MTF1: variants seen among roughly 807,000 people sequenced by gnomAD.
MTF1 encodes MRE-binding transcription factor.
In MTF1, 22 loss-of-function variants were observed where a neutral mutation model predicts 70.4. The ratio of observed to expected loss-of-function variants is 0.31; its 90% CI spans 0.22 to 0.45. The LOEUF (loss-of-function observed/expected upper bound fraction) is 0.45. Ranked by LOEUF, MTF1 falls within the 20% of genes least tolerant of loss-of-function variation. MTF1 has a pLI of 1.00. For synonymous variants in MTF1, 333 were observed against 352.8 expected (o/e 0.94, Z 0.63); for missense variants, 649 against 922.0 (o/e 0.70, Z 3.83).
At chr1:37,850,240 CAAAAAAAAAAAAA>C (rs5773605) in intron 2 of MTF1, among the ~76,000 whole-genome samples, 1 of 66,332 alleles carries the variant, frequency 1.5e-5, no homozygotes, top group Non-Finnish European at 2.8e-5. Context: ...CTGTCTCAAC[CAAAAAAAAAAAAA>C]AAAAAAAAAA....
Position 37,857,337 on chromosome 1 carries a change from T to G in MTF1, c.322A>C (p.Asn108His). The change falls in exon 2 of 11, where the codon AAC (asparagine) becomes CAC (histidine). Residue 108 changes from asparagine (N) to histidine (H), a missense_variant. Physicochemically the swap from Asn to His is moderately conservative, Grantham distance 68 (BLOSUM62 1). Coordinates refer to ENST00000373036, the MANE Select transcript of MTF1 (RefSeq NM_005955.3). ...ISPDQIHLTI[N>H]PGSTPMPRNI... is the part of the protein sequence containing the mutation. ...CTTGGCATGGGTGTGGAACCAGGGT[T>G]TATTGTCAAATGAATCTGATCTGGT... 1 of 1,614,200 alleles carries G rather than the reference T, an allele frequency of 6.2e-7. No homozygotes were observed. The highest frequency in any genetic ancestry group is 8.5e-7 in the Non-Finnish European group (1 of 1,180,030).
At chr1:37,838,567 A>G (rs1483543265) in intron 4 of MTF1, 58 bp downstream of exon 4, 15 of 1,502,188 alleles carry the variant, frequency 1.0e-5, no homozygotes, top group Non-Finnish European at 9.1e-6. Flanking sequence ...ATTCCAGAGT[A>G]TATCAAGACC....
intron 2 of MTF1, among the ~76,000 whole-genome samples, chr1:37,851,406 G>C (rs532871340): frequency 2.2e-4 from 33 of 152,090 alleles, no homozygotes; most frequent in Non-Finnish European, 3.8e-4. Context: ...CTTGCAAATA[G>C]AATAAACCAA....
chr1:37,819,787 A>G (rs557727167), intron 9 of MTF1, among the ~76,000 whole-genome samples: 2 of 152,128 alleles, frequency 1.3e-5, no homozygotes, highest in African/African-American at 4.8e-5. Flanking sequence ...CCCTGTCTCT[A>G]CTAAAAATAC....
chr1:37,815,112 C>T lies in MTF1; in HGVS notation c.*24G>A. On this transcript the variant is annotated 3_prime_UTR_variant, in exon 11 of 11. Transcript: ENST00000373036. The surrounding 1 kb of genome is among the most constrained non-coding windows in gnomAD (Gnocchi z 4.5). ...ATGCCTCCTGCTCACCCGCTTTTCC[C>T]AGAGGTGAGCACACATGGGCCCTTC... The T allele has an allele frequency of 6.2e-7, 1 of 1,606,338 alleles. No individual in the cohort carries two copies. Among genetic ancestry groups the T allele is most frequent in the Non-Finnish European group, 8.5e-7 (1 of 1,174,168 alleles).
intron 10 of MTF1, among the ~76,000 whole-genome samples, chr1:37,816,290 C>T (rs1640817583): frequency 6.6e-6 from 1 of 152,134 alleles, no homozygotes; most frequent in African/African-American, 2.4e-5. Context: ...AATCCCTGTA[C>T]TTTGGGAGAC....
chr1:37,846,392 A>G (rs368548779), intron 2 of MTF1, among the ~76,000 whole-genome samples: 10 of 99,968 alleles, frequency 1.0e-4, no homozygotes, highest in Non-Finnish European at 2.0e-4. Context: ...GACCCCATTT[A>G]AAAAAAAAAA....
chr1:37,825,802 TTTC>T (rs1355121492), intron 7 of MTF1, among the ~76,000 whole-genome samples: 4 of 152,200 alleles, frequency 2.6e-5, no homozygotes, highest in South Asian at 2.1e-4. Context: ...TCCTTGTGAT[TTTC>T]TTAACATTTT....
chr1:37,824,844 G>A (rs377167630), intron 7 of MTF1, among the ~76,000 whole-genome samples: 37 of 152,228 alleles, frequency 2.4e-4, no homozygotes, highest in African/African-American at 8.2e-4. Context: ...GAACAATAGT[G>A]ATACCTTTAT....
intron 2 of MTF1, among the ~76,000 whole-genome samples, chr1:37,842,742 C>A (rs1438255323): frequency 6.6e-6 from 1 of 151,550 alleles, no homozygotes; most frequent in Non-Finnish European, 1.5e-5. Flanking sequence ...TTGTTTGAGA[C>A]AGAGAAACCA....
chr1:37,809,811 T>G lies in MTF1; in HGVS notation c.*5325A>C, dbSNP rs1406998712. ...GTACTGAACCTGTAACGTTTTCACA[T>G]CGCTCAGTGGAAGTCCGTTGTTCCC... On this transcript the variant is annotated 3_prime_UTR_variant, in exon 11 of 11. Transcript: ENST00000373036. The G allele has an allele frequency of 6.6e-6, 1 of 152,670 alleles. No individual in the cohort carries two copies. Among genetic ancestry groups the G allele is most frequent in the Non-Finnish European group, 1.5e-5 (1 of 68,060 alleles). The allele number at this position is 152,670 out of a possible 1,614,324, so 9.5% of individuals were successfully genotyped here.
In MTF1 at chr1:37,815,578, G is replaced by T. The variant is rs780149018; in HGVS notation, c.1832-12C>A. The T allele has an allele frequency of 5.3e-6, 8 of 1,519,802 alleles. No individual in the cohort carries two copies. The Admixed American group carries it at 1.1e-4, about 21-fold the overall frequency. 94.1% of individuals were successfully genotyped at this position (1,519,802 alleles called of 1,614,324 possible). A position where few individuals can be genotyped will look rare whatever the true frequency, so the allele number is the denominator to read the frequency against. On this transcript the variant is annotated splice_polypyrimidine_tract_variant and intron_variant, in intron 10 of 10. Coordinates refer to ENST00000373036, the MANE Select transcript of MTF1 (RefSeq NM_005955.3). The surrounding 1 kb of genome is among the most constrained non-coding windows in gnomAD (Gnocchi z 4.5). ...CTGGACAGAGCTCCCTGCGAGAGAG[G>T]CAAGAGAGACTGCTCTTCAAGTAGC...
At chr1:37,846,504 G>C (rs1290613587) in intron 2 of MTF1, among the ~76,000 whole-genome samples, 1 of 152,110 alleles carries the variant, frequency 6.6e-6, no homozygotes, top group East Asian at 1.9e-4. Flanking sequence ...AGGGAACATG[G>C]AGGGAGCACA....
At chr1:37,848,887 C>T (rs1641372689) in intron 2 of MTF1, among the ~76,000 whole-genome samples, 1 of 152,168 alleles carries the variant, frequency 6.6e-6, no homozygotes, top group South Asian at 2.1e-4. Context: ...GAGTCAACAA[C>T]ATCTTGGTTT....
rs142864227 is a variant in MTF1, at chr1:37,822,428, G to A, written c.1460C>T (p.Pro487Leu). The change falls in exon 9 of 11, where the codon CCG becomes CTG. Residue 487 changes from proline (P) to leucine (L), a missense_variant. By Grantham distance (98) the Pro-to-Leu change is moderately conservative. This residue lies in a region of MTF1 where 267 missense variants were observed against 292.1 expected (regional missense o/e 0.91). Coordinates refer to ENST00000373036, the MANE Select transcript of MTF1 (RefSeq NM_005955.3). ...AATGGGCTGCGGTGCCTGGGGGTGC[G>A]GAAGAAACTCTTGATGATTAGCAGC... Reference protein sequence around the residue: ...QFAANHQEFLPHPQAPQPIVP... With the variant: ...QFAANHQEFLLHPQAPQPIVP... The A allele has an allele frequency of 1.1e-5, 17 of 1,613,968 alleles. No homozygotes were observed. In the African/African-American group the frequency reaches 1.3e-4, roughly 13 times the overall value.
chr1:37,846,847 C>G (rs1641339940), intron 2 of MTF1, among the ~76,000 whole-genome samples: 1 of 152,182 alleles, frequency 6.6e-6, no homozygotes, highest in Non-Finnish European at 1.5e-5. Flanking sequence ...GCAGATTTTA[C>G]ACACATTTAC....
intron 7 of MTF1, among the ~76,000 whole-genome samples, chr1:37,830,091 T>C (rs1315522277): frequency 6.6e-6 from 1 of 152,208 alleles, no homozygotes; most frequent in Non-Finnish European, 1.5e-5. Context: ...ACTCCTAAGC[T>C]ATTTAACACA....
At chr1:37,850,971 A>C (rs1044253546) in intron 2 of MTF1, among the ~76,000 whole-genome samples, 1 of 152,192 alleles carries the variant, frequency 6.6e-6, no homozygotes, top group Non-Finnish European at 1.5e-5. Flanking sequence ...AAAAAACGAA[A>C]GGAAAAGGAG....
chr1:37,824,041 C>T (rs1420685336), intron 7 of MTF1, among the ~76,000 whole-genome samples: 1 of 152,110 alleles, frequency 6.6e-6, no homozygotes, highest in Non-Finnish European at 1.5e-5. Context: ...GACAGAATCT[C>T]ACTACGTTGC....
Sources: allele counts gnomAD v4.1 joint callset (sites outside exome capture counted in the v4.1 genomes callset), GRCh38; gene constraint gnomAD v4.1.1; regional missense constraint gnomAD v4.1.1; non-coding constraint Gnocchi (gnomAD v3.1); transcripts MANE v1.5; gene names NCBI Gene and HGNC (gene_info 2026-07-23, HGNC 2026-07-21).